Variants in ARL17B observed in about 807,000 individuals in gnomAD.
ARL17B encodes the protein ARF like GTPase 17B.
chr17:46,275,856 T>G (rs2732703), intron 4 of ARL17B, among the ~76,000 whole-genome samples: 13,909 of 142,284 alleles, frequency 0.098, 1 homozygote, highest in Middle Eastern at 0.16. Flanking sequence ...TCTATTAAAG[T>G]CCAGAAAGTC....
At chr17:46,279,517 T>C in intron 4 of ARL17B, among the ~76,000 whole-genome samples, 1 of 150,652 alleles carries the variant, frequency 6.6e-6, no homozygotes, top group Non-Finnish European at 1.5e-5. Context: ...TTTTTTTTTT[T>C]TTGAGATAGG....
At chr17:46,285,460 T>TGTCTTATCCAGTTATCCAGAATCTGTCTA (rs1158589458) in intron 4 of ARL17B, among the ~76,000 whole-genome samples, 1 of 152,098 alleles carries the variant, frequency 6.6e-6, no homozygotes, top group East Asian at 1.9e-4. Context: ...CAGTCTGGTC[T>TGTCTTATCCAGTTATCCAGAATCTGTCTA]CAAACTCCTG....
rs573223090 is a variant in ARL17B at position 46,325,464 on chromosome 17, T to C, written c.260-25799A>G. ...TGTATTGAAAAATTATTCTCAAGTA[T>C]ACCTCAGGTCATTTACAGTCTCAAA... On this transcript the variant is annotated intron_variant, in intron 3 of 4. Coordinates refer to the ARL17B transcript ENST00000434041. Among the ~76,000 whole-genome samples, 71 of 79,506 alleles carry C rather than the reference T, an allele frequency of 8.9e-4. 20 individuals carry two copies. The highest frequency in any genetic ancestry group is 2.1e-3 in the African/African-American group (67 of 31,228). The allele number at this position is 79,506 out of a possible 152,430, so 52.2% of individuals were successfully genotyped here.
chr17:46,317,167 C>T (rs1433597018), intron 3 of ARL17B, among the ~76,000 whole-genome samples: 9 of 89,508 alleles, frequency 1.0e-4, no homozygotes, highest in South Asian at 4.4e-4. Context: ...AGAGGCGCTC[C>T]TCACATCCCA....
chr17:46,276,743 A>T (rs1484629877), intron 4 of ARL17B, among the ~76,000 whole-genome samples: 1 of 152,130 alleles, frequency 6.6e-6, no homozygotes. Context: ...ATGCAACAGC[A>T]AGTTGTCTTT....
At chr17:46,288,129 C>T (rs866731359) in intron 4 of ARL17B, among the ~76,000 whole-genome samples, 80 of 146,010 alleles carry the variant, frequency 5.5e-4, no homozygotes, top group Admixed American at 9.1e-4. Context: ...TAATACATGG[C>T]TATGTAGTTT....
intron 4 of ARL17B, among the ~76,000 whole-genome samples, chr17:46,290,217 C>T (rs1489035858): frequency 3.3e-5 from 5 of 151,410 alleles, no homozygotes; most frequent in African/African-American, 9.7e-5. Flanking sequence ...GCAGGGTCGA[C>T]CTCCTGGGGT....
chr17:46,285,655 C>T (rs2732618), intron 4 of ARL17B, among the ~76,000 whole-genome samples: 10,857 of 138,772 alleles, frequency 0.078, no homozygotes, highest in Non-Finnish European at 0.12. Context: ...AAGTGAGTCA[C>T]GTTAGATTAT....
intron 3 of ARL17B, among the ~76,000 whole-genome samples, chr17:46,340,709 ATT>A (rs1305308244): frequency 2.8e-5 from 2 of 71,980 alleles, no homozygotes. Context: ...TGCCCGGCCA[ATT>A]TTTTTTTTTT....
At chr17:46,317,141 G>C (rs1390738559) in intron 3 of ARL17B, among the ~76,000 whole-genome samples, 2 of 87,810 alleles carry the variant, frequency 2.3e-5, no homozygotes, top group Non-Finnish European at 3.4e-5. Flanking sequence ...CCTCCCAGAT[G>C]GGGTGGCGGC....
At chr17:46,274,574 T>C (rs1327648609), downstream of ARL17B, among the ~76,000 whole-genome samples, 4 of 152,262 alleles carry the variant, frequency 2.6e-5, no homozygotes, top group African/African-American at 4.8e-5. Context: ...GGATGGATTA[T>C]ATGTAACCGT....
At chr17:46,291,562 C>T (rs1337361827) in intron 4 of ARL17B, among the ~76,000 whole-genome samples, 8 of 151,616 alleles carry the variant, frequency 5.3e-5, no homozygotes, top group Non-Finnish European at 1.2e-4. Flanking sequence ...GAAAACAACA[C>T]TCCTCTCACT....
chr17:46,274,214 T>G (rs2049530037), downstream of ARL17B, among the ~76,000 whole-genome samples: 1 of 152,274 alleles, frequency 6.6e-6, no homozygotes, highest in Non-Finnish European at 1.5e-5. Flanking sequence ...TATCTCCATT[T>G]ATTTTGTTTC....
intron 4 of ARL17B, among the ~76,000 whole-genome samples, chr17:46,288,144 T>G (rs1156428568): frequency 6.7e-6 from 1 of 148,946 alleles, no homozygotes; most frequent in African/African-American, 2.4e-5. Context: ...TAGTTTATCC[T>G]GTTACCACTA....
At chr17:46,276,384 TA>T (rs1447157845) in intron 4 of ARL17B, among the ~76,000 whole-genome samples, 1 of 152,270 alleles carries the variant, frequency 6.6e-6, no homozygotes, top group Non-Finnish European at 1.5e-5. Flanking sequence ...TCGTTAACAT[TA>T]AAAAATTATA....
intron 4 of ARL17B, among the ~76,000 whole-genome samples, chr17:46,288,297 A>C (rs2049972296): frequency 2.1e-5 from 3 of 143,496 alleles, no homozygotes; most frequent in East Asian, 2.1e-4. Flanking sequence ...GTGCACCACC[A>C]GGCCCGGCTT....
At chr17:46,284,075 C>G (rs1349616835) in intron 4 of ARL17B, among the ~76,000 whole-genome samples, 1 of 152,240 alleles carries the variant, frequency 6.6e-6, no homozygotes, top group Middle Eastern at 3.2e-3. Context: ...TGCCCAGGGA[C>G]GGGCAGGAGA....
downstream of ARL17B, among the ~76,000 whole-genome samples, chr17:46,333,014 TGA>T (rs1451281133): frequency 7.0e-6 from 1 of 143,312 alleles, no homozygotes; most frequent in Non-Finnish European, 1.5e-5. Context: ...GCTGAAATGA[TGA>T]GAGAGGTATA....
intron 4 of ARL17B, among the ~76,000 whole-genome samples, chr17:46,281,861 C>T (rs1287143396): frequency 1.3e-5 from 2 of 152,154 alleles, no homozygotes; most frequent in East Asian, 3.9e-4. Flanking sequence ...CCAGGCTGGT[C>T]TCAAACTCCT....
Sources: allele counts gnomAD v4.1 joint callset (sites outside exome capture counted in the v4.1 genomes callset), GRCh38; gene constraint gnomAD v4.1.1; transcripts MANE v1.5; gene names NCBI Gene and HGNC (gene_info 2026-07-23, HGNC 2026-07-21).